CALD1: variants seen among roughly 807,000 people sequenced by gnomAD.
CALD1 encodes caldesmon 1, also known as caldesmon.
CALD1 carries 33 observed loss-of-function variants against 99.9 expected under a neutral mutation model. The ratio of observed to expected loss-of-function variants is 0.33; its 90% CI spans 0.25 to 0.44. The LOEUF is 0.44. Among genes scored for constraint, CALD1 ranks in the 20% least tolerant of loss-of-function variants. The probability of loss-of-function intolerance (pLI) is 1.00; values close to 1 mark genes in which losing one functional copy is unlikely to be tolerated. For missense variants in CALD1, 861 were observed against 962.1 expected, an observed-to-expected ratio of 0.89 and a Z score of 1.39; for synonymous variants, 310 against 325.0, an observed-to-expected ratio of 0.95 and a Z score of 0.50.
At chr7:134,823,222 T>G (rs1333616787) in intron 1 of CALD1, among the ~76,000 whole-genome samples, 1 of 152,166 alleles carries the variant, frequency 6.6e-6, no homozygotes, top group East Asian at 1.9e-4. Flanking sequence ...AAGCACTGAA[T>G]GGGATGAATA....
intron 2 of CALD1, among the ~76,000 whole-genome samples, chr7:134,847,233 T>C (rs950335090): frequency 6.6e-6 from 1 of 152,216 alleles, no homozygotes; most frequent in Non-Finnish European, 1.5e-5. Context: ...CTTGGGTTTT[T>C]ATTTTCTTCT....
chr7:134,807,172 G>A (rs950202428), intron 1 of CALD1, among the ~76,000 whole-genome samples: 4 of 152,104 alleles, frequency 2.6e-5, no homozygotes, highest in African/African-American at 9.7e-5. Flanking sequence ...AAATAGAAAT[G>A]AGTCTTGTAA....
chr7:134,965,536 G>C, intron 14 of CALD1, 150 bp downstream of exon 14: 1 of 567,304 alleles, frequency 1.8e-6, no homozygotes. Context: ...ACATAACACA[G>C]TGAAATGAAA....
chr7:134,879,768 G>C (rs138756958), intron 3 of CALD1, among the ~76,000 whole-genome samples: 63 of 152,120 alleles, frequency 4.1e-4, no homozygotes, highest in African/African-American at 1.5e-3. Flanking sequence ...AATTTTTACT[G>C]GGCTTACTTC....
the CALD1 span, among the ~76,000 whole-genome samples, chr7:134,714,224 A>G: frequency 6.6e-6 from 1 of 151,992 alleles, no homozygotes; most frequent in Admixed American, 6.6e-5. Flanking sequence ...AAATTATCCA[A>G]ATTATTGTAT....
chr7:134,749,008 G>A (rs541102234), intron 1 of CALD1, among the ~76,000 whole-genome samples: 1 of 152,310 alleles, frequency 6.6e-6, no homozygotes, highest in East Asian at 1.9e-4. Flanking sequence ...ATCCTCACCA[G>A]ACCCTGAATC....
chr7:134,776,547 C>T (rs921500920), upstream of CALD1, among the ~76,000 whole-genome samples: 5 of 152,150 alleles, frequency 3.3e-5, no homozygotes, highest in African/African-American at 1.2e-4. Flanking sequence ...TTCATAAGTG[C>T]ACTTAATCCA....
chr7:134,763,690 C>T (rs562396040), intron 1 of CALD1, among the ~76,000 whole-genome samples: 27 of 152,032 alleles, frequency 1.8e-4, no homozygotes, highest in African/African-American at 5.8e-4. Context: ...GAGGCTAAGG[C>T]GGGTGGATCA....
At chr7:134,719,831 G>T in the CALD1 span, among the ~76,000 whole-genome samples, 9 of 152,214 alleles carry the variant, frequency 5.9e-5, no homozygotes, top group African/African-American at 2.2e-4. Flanking sequence ...CTGTTCAAAA[G>T]CCAAAATGTT....
chr7:134,729,543 C>T, the CALD1 span, among the ~76,000 whole-genome samples: 1 of 152,362 alleles, frequency 6.6e-6, no homozygotes, highest in African/African-American at 2.4e-5. Flanking sequence ...TAGATGGGAA[C>T]TGTGCCTGTG....
At chr7:134,757,610 G>C (rs1796740687) in intron 1 of CALD1, among the ~76,000 whole-genome samples, 1 of 152,176 alleles carries the variant, frequency 6.6e-6, no homozygotes, top group Non-Finnish European at 1.5e-5. Context: ...GCCAGGTGCA[G>C]TGGCTCATGC....
At chr7:134,939,641 A>G (rs1481357996) in intron 6 of CALD1, among the ~76,000 whole-genome samples, 1 of 152,204 alleles carries the variant, frequency 6.6e-6, no homozygotes, top group African/African-American at 2.4e-5. Flanking sequence ...ATCAATAAAG[A>G]GCAAAAAACT....
At chr7:134,863,280 A>G (rs969285678) in intron 2 of CALD1, among the ~76,000 whole-genome samples, 10 of 152,210 alleles carry the variant, frequency 6.6e-5, no homozygotes, top group African/African-American at 2.4e-4. Flanking sequence ...AAAGGCTTAA[A>G]AAACAGCCTG....
intron 9 of CALD1, 84 bp downstream of exon 9, chr7:134,950,598 C>T: frequency 1.9e-6 from 2 of 1,074,064 alleles, no homozygotes; most frequent in Non-Finnish European, 2.8e-6. Flanking sequence ...TTATACAGGG[C>T]CTTTGTTCAT....
intron 1 of CALD1, among the ~76,000 whole-genome samples, chr7:134,752,164 G>A (rs1318862217): frequency 6.6e-6 from 1 of 152,152 alleles, no homozygotes; most frequent in African/African-American, 2.4e-5. Flanking sequence ...GAGCTTAATG[G>A]AATAGCTTTC....
At chr7:134,941,757 GA>G (rs1806461826) in intron 7 of CALD1, among the ~76,000 whole-genome samples, 2 of 152,080 alleles carry the variant, frequency 1.3e-5, no homozygotes, top group South Asian at 4.1e-4. Context: ...ATGACTTTGA[GA>G]GCCCTTCATG....
intron 1 of CALD1, among the ~76,000 whole-genome samples, chr7:134,837,875 TA>T (rs1472831304): frequency 3.3e-5 from 5 of 152,346 alleles, no homozygotes; most frequent in Non-Finnish European, 7.3e-5. Flanking sequence ...TTATCTTTGT[TA>T]AAGAGCTTCT....
At chr7:134,730,997 C>T in the CALD1 span, among the ~76,000 whole-genome samples, 1 of 152,068 alleles carries the variant, frequency 6.6e-6, no homozygotes, top group African/African-American at 2.4e-5. Context: ...TGCCGTCTAC[C>T]CTAGATATCT....
In CALD1 at chr7:134,970,208, T is replaced by C. The variant is rs939807545; in HGVS notation, c.*1863T>C. On this transcript the variant is annotated 3_prime_UTR_variant, in exon 15 of 15. Coordinates refer to ENST00000361675, the MANE Select transcript of CALD1 (RefSeq NM_033138.4). ...ACAAATACAAGTGTCCCAGGTAGCA[T>C]TGACTCCCGTCATTGGAGTGAAATG... 4.6e-5 allele frequency: 7 copies of C among 152,240 alleles called. No individual in the cohort carries two copies. The highest frequency in any genetic ancestry group is 3.3e-4 in the Admixed American group (5 of 15,286). The allele number at this position is 152,240 out of a possible 1,614,324, so 9.4% of individuals were successfully genotyped here. A position where few individuals can be genotyped will look rare whatever the true frequency, so the allele number is the denominator to read the frequency against.
Sources: gnomAD v4.1 joint callset for allele counts (sites outside exome capture counted in the v4.1 genomes callset) on GRCh38, gnomAD v4.1.1 for gene constraint, MANE v1.5 for transcripts, NCBI Gene and HGNC (gene_info 2026-07-23, HGNC 2026-07-21) for gene names.